Variants in MACF1 observed in about 807,000 individuals in gnomAD.
MACF1 encodes microtubule-actin cross-linking factor 1.
Under a neutral mutation model 854.8 loss-of-function variants are expected in MACF1, and 193 were observed. The ratio of observed to expected loss-of-function variants is 0.23; its 90% CI spans 0.20 to 0.25. The LOEUF is 0.25. Among genes scored for constraint, MACF1 ranks in the 10% least tolerant of loss-of-function variants. MACF1 has a pLI of 1.00. For missense variants in MACF1, 7,722 were observed against 8,929.1 expected, an observed-to-expected ratio of 0.86 and a Z score of 5.45; for synonymous variants, 3,185 against 3,226.7, an observed-to-expected ratio of 0.99 and a Z score of 0.44.
intron 2 of MACF1, among the ~76,000 whole-genome samples, chr1:39,243,145 A>G (rs777945609): frequency 7.0e-4 from 106 of 152,178 alleles, no homozygotes; most frequent in Non-Finnish European, 1.2e-3. Context: ...AGACAGCGCT[A>G]ATCACTGCGG....
intron 2 of MACF1, among the ~76,000 whole-genome samples, chr1:39,140,532 C>T (rs1323344960): frequency 6.6e-6 from 1 of 152,158 alleles, no homozygotes; most frequent in East Asian, 1.9e-4. Flanking sequence ...TAGCACAGTG[C>T]CTCGCACATA....
Position 39,250,044 on chromosome 1 carries a change from G to A in MACF1, c.202G>A (p.Asp68Asn). The change falls in exon 3 of 101, where the codon GAT becomes AAT. Residue 68 changes from aspartate (D) to asparagine (N), a missense_variant. By Grantham distance (23) the Asp-to-Asn change is conservative. Transcript: ENST00000564288. ...CAAGCACATCAATGATCTTTATGAA[G>A]ATCTGCGGGATGGCCATAACCTGAT... is the stretch of plus-strand genomic sequence containing the variant. ...VRKHINDLYE[D>N]LRDGHNLISL... 3 of 1,613,638 alleles carry A rather than the reference G, an allele frequency of 1.9e-6. No individual in the cohort carries two copies. Among genetic ancestry groups the A allele is most frequent in the Non-Finnish European group, 2.5e-6 (3 of 1,179,696 alleles).
chr1:39,117,533 GGTGTGTGT>G (rs67609869), intron 2 of MACF1, among the ~76,000 whole-genome samples: 6 of 147,618 alleles, frequency 4.1e-5, no homozygotes, highest in Non-Finnish European at 8.9e-5. Flanking sequence ...ACCTGCAAGA[GGTGTGTGT>G]GTGTGTGTGT....
In MACF1 at chr1:39,316,443, G is replaced by A. The variant is rs775837560; in HGVS notation, c.3502G>A (p.Val1168Ile). Residue 1168 changes from valine (V) to isoleucine (I), a missense_variant, in exon 28 of 101, where the codon GTC (valine) becomes ATC (isoleucine). Transcript: ENST00000564288. ...VRSIQDAELL[V>I]KGYEIKLSQE... Reference sequence around the variant, plus strand: ...TAGCATACAGGATGCTGAACTCTTGGTCAAAGGTTATGAGATTAAGCTGAG... The same window carrying A: ...TAGCATACAGGATGCTGAACTCTTGATCAAAGGTTATGAGATTAAGCTGAG... The A allele has an allele frequency of 6.2e-7, 1 of 1,614,072 alleles. No individual in the cohort carries two copies. Among genetic ancestry groups the A allele is most frequent in the Non-Finnish European group, 8.5e-7 (1 of 1,179,936 alleles).
intron 85 of MACF1, among the ~76,000 whole-genome samples, chr1:39,451,718 T>A (rs184253766): frequency 2.0e-5 from 3 of 152,346 alleles, no homozygotes; most frequent in Non-Finnish European, 4.4e-5. Flanking sequence ...GCACAGCAGA[T>A]GTTTTTATTT....
chr1:39,230,583 G>GT (rs1644766103), intron 1 of MACF1, among the ~76,000 whole-genome samples: 1 of 143,060 alleles, frequency 7.0e-6, no homozygotes, highest in East Asian at 2.0e-4. Context: ...TGTTAAAGAG[G>GT]TAAAAAAAAA....
At chr1:39,257,288 C>T (rs1052690476) in intron 5 of MACF1, among the ~76,000 whole-genome samples, 2 of 144,776 alleles carry the variant, frequency 1.4e-5, no homozygotes, top group Admixed American at 7.2e-5. Flanking sequence ...GGCATTATGC[C>T]GAGTGAAATA....
chr1:39,158,401 A>C (rs1285581647), intron 2 of MACF1, among the ~76,000 whole-genome samples: 1 of 152,154 alleles, frequency 6.6e-6, no homozygotes, highest in East Asian at 1.9e-4. Context: ...GCTGTATTCC[A>C]GTCCGTAAAC....
chr1:39,479,672 C>A, intron 97 of MACF1, 126 bp from the exon 98 acceptor site: 2 of 742,166 alleles, frequency 2.7e-6, no homozygotes, highest in Non-Finnish European at 4.4e-6. Context: ...TTTTGAAGAA[C>A]CCACAGATGG....
Position 39,084,310 on chromosome 1 carries a change from C to T in MACF1, c.92C>T (p.Ser31Leu), listed in dbSNP as rs773159415. The T allele has an allele frequency of 5.6e-6, 9 of 1,613,864 alleles. No homozygotes were observed. The highest frequency in any genetic ancestry group is 1.3e-5 in the African/African-American group (1 of 74,932). The change falls in exon 2 of 94, where the codon TCG becomes TTG. Residue 31 changes from serine (S) to leucine (L), a missense_variant. By Grantham distance (145) the Ser-to-Leu change is moderately radical. Transcript: ENST00000361689. The surrounding 1 kb of genome is among the most constrained non-coding windows in gnomAD (Gnocchi z 5.2). ...GAGCGATCTTACAGGAGCGAGCGGTCGGGGAGCCTGTCTCCCTGTCCCCCA... is the reference window on the plus strand; with the variant it reads ...GAGCGATCTTACAGGAGCGAGCGGTTGGGGAGCCTGTCTCCCTGTCCCCCA...
chr1:39,321,097 T>C (rs543762486), intron 31 of MACF1, among the ~76,000 whole-genome samples: 29 of 152,388 alleles, frequency 1.9e-4, no homozygotes, highest in Non-Finnish European at 3.4e-4. Context: ...TGTATAGCAC[T>C]CAAAACAATG....
At chr1:39,222,328 T>C (rs1430978135) in intron 1 of MACF1, among the ~76,000 whole-genome samples, 1 of 152,202 alleles carries the variant, frequency 6.6e-6, no homozygotes, top group Non-Finnish European at 1.5e-5. Context: ...TTTTGTCATA[T>C]TGCCCAGGCT....
At chr1:39,151,732 C>T (rs1434940029) in intron 2 of MACF1, among the ~76,000 whole-genome samples, 1 of 152,080 alleles carries the variant, frequency 6.6e-6, no homozygotes, top group Non-Finnish European at 1.5e-5. Flanking sequence ...ATATCTTTAT[C>T]TGCATTAGTT....
At chr1:39,248,187 C>T (rs1645003092) in intron 2 of MACF1, among the ~76,000 whole-genome samples, 1 of 152,096 alleles carries the variant, frequency 6.6e-6, no homozygotes, top group Non-Finnish European at 1.5e-5. Flanking sequence ...GTGGTTTTTC[C>T]GTCTTCTTTC....
chr1:39,085,152 G>A (rs1431260940), intron 2 of MACF1, among the ~76,000 whole-genome samples: 2 of 152,202 alleles, frequency 1.3e-5, no homozygotes, highest in African/African-American at 4.8e-5. Context: ...CTGACCAACT[G>A]TGTGACTCTG....
chr1:39,182,421 C>T (rs1486038990), intron 2 of MACF1, among the ~76,000 whole-genome samples: 1 of 151,844 alleles, frequency 6.6e-6, no homozygotes, highest in African/African-American at 2.4e-5. Flanking sequence ...AATGAAGACA[C>T]CTCACAGAAT....
At chr1:39,453,907 T>C in intron 88 of MACF1, 57 bp downstream of exon 88, 2 of 1,539,156 alleles carry the variant, frequency 1.3e-6, no homozygotes, top group East Asian at 2.3e-5. Context: ...CACTATAGTA[T>C]AGTATAGTAT....
In MACF1 at chr1:39,485,642, G is replaced by A; in HGVS notation, c.22516G>A (p.Glu7506Lys). 2 of 1,614,170 alleles carry A rather than the reference G, an allele frequency of 1.2e-6. No homozygotes were observed. Among genetic ancestry groups the A allele is most frequent in the Non-Finnish European group, 8.5e-7 (1 of 1,180,030 alleles). ...TGACGCTTCTGACTTTGACCTCTTA[G>A]AGACGCAGTCTGCTTGTTCCGACAC... ...GSDASDFDLLETQSACSDTSE... is the reference protein window; with the variant it reads ...GSDASDFDLLKTQSACSDTSE... The change falls in exon 101 of 101, where the codon GAG (glutamate) becomes AAG (lysine). Residue 7506 changes from glutamate to lysine, a missense_variant. Physicochemically the swap from Glu to Lys is moderately conservative, Grantham distance 56. Coordinates refer to ENST00000564288, the MANE Select transcript of MACF1 (RefSeq NM_001394062.1).
At chr1:39,162,046 G>C (rs1341196593) in intron 2 of MACF1, among the ~76,000 whole-genome samples, 2 of 151,844 alleles carry the variant, frequency 1.3e-5, no homozygotes. Flanking sequence ...CTGGGTGACA[G>C]AGTACACCCT....
Sources: allele counts gnomAD v4.1 joint callset (sites outside exome capture counted in the v4.1 genomes callset), GRCh38; gene constraint gnomAD v4.1.1; non-coding constraint Gnocchi (gnomAD v3.1); transcripts MANE v1.5; gene names NCBI Gene and HGNC (gene_info 2026-07-23, HGNC 2026-07-21).